Variants in LRRC4C observed in about 807,000 individuals in gnomAD.
LRRC4C encodes the protein leucine rich repeat containing 4C.
In LRRC4C, 5 loss-of-function variants were observed where a neutral mutation model predicts 33.6. The ratio of observed to expected loss-of-function variants is 0.15; its 90% confidence interval spans 0.08 to 0.31. The LOEUF (loss-of-function observed/expected upper bound fraction) is 0.31, where lower values mean the gene tolerates loss of function less well. Ranked by LOEUF, LRRC4C falls within the 10% of genes least tolerant of loss-of-function variation. LRRC4C has a pLI of 1.00. For synonymous variants in LRRC4C, 329 were observed against 302.0 expected, an observed-to-expected ratio of 1.09 and a Z score of -0.93; for missense variants, 560 against 796.7, an observed-to-expected ratio of 0.70 and a Z score of 3.58.
intron 4 of LRRC4C, among the ~76,000 whole-genome samples, chr11:40,250,494 C>T (rs970239427): frequency 2.6e-5 from 4 of 151,948 alleles, no homozygotes; most frequent in Non-Finnish European, 5.9e-5. Flanking sequence ...AACCCCAGCA[C>T]TTTGGGAGGT....
chr11:40,568,222 T>C (rs1292389861), intron 3 of LRRC4C, among the ~76,000 whole-genome samples: 1 of 152,212 alleles, frequency 6.6e-6, no homozygotes, highest in African/African-American at 2.4e-5. Flanking sequence ...CAAAGTGCCA[T>C]GCTGTGAGAA....
At chr11:41,408,265 G>A (rs562867920) in intron 1 of LRRC4C, among the ~76,000 whole-genome samples, 1 of 152,238 alleles carries the variant, frequency 6.6e-6, no homozygotes, top group Admixed American at 6.5e-5. Flanking sequence ...GTACTTAACA[G>A]ACTTTCAGGC....
At chr11:41,287,612 T>C (rs1949868111) in intron 1 of LRRC4C, among the ~76,000 whole-genome samples, 1 of 152,194 alleles carries the variant, frequency 6.6e-6, no homozygotes, top group Non-Finnish European at 1.5e-5. Context: ...GAAGCTATTT[T>C]CAATATTAAT....
intron 1 of LRRC4C, among the ~76,000 whole-genome samples, chr11:41,200,433 A>AT (rs1426131893): frequency 2.6e-5 from 4 of 152,064 alleles, no homozygotes; most frequent in Middle Eastern, 3.4e-3. Context: ...CTGGTTCTGC[A>AT]TTTTTTTCTT....
intron 3 of LRRC4C, among the ~76,000 whole-genome samples, chr11:40,321,835 G>T (rs1424300448): frequency 6.6e-6 from 1 of 152,146 alleles, no homozygotes; most frequent in Non-Finnish European, 1.5e-5. Context: ...GGAACAAAAT[G>T]ATGTCTCCTC....
At chr11:40,674,673 G>A (rs919535533) in intron 2 of LRRC4C, among the ~76,000 whole-genome samples, 19 of 152,016 alleles carry the variant, frequency 1.2e-4, no homozygotes, top group African/African-American at 3.6e-4. Context: ...TTTATAAATC[G>A]TGATGTTCTC....
At position 40,709,285 on chromosome 11, in the gene LRRC4C, G is replaced by A. The variant is rs1181396111; in HGVS notation, c.-406-61007C>T. Among the ~76,000 whole-genome samples, 5 of 152,166 alleles carry A rather than the reference G, an allele frequency of 3.3e-5. No individual in the cohort carries two copies. In the East Asian group the frequency reaches 5.8e-4, roughly 18 times the overall value. On this transcript the variant is annotated intron_variant, in intron 2 of 6. Transcript: ENST00000528697. ...GTTATTTTGCCTGTTAGTTGATGCA[G>A]TTTCTTCCTAGCATCCATGGTCTTT...
In LRRC4C at chr11:40,693,324, G is replaced by A. The variant is rs114648586; in HGVS notation, c.-406-45046C>T. Among the ~76,000 whole-genome samples, 390 of 152,218 alleles carry A rather than the reference G, an allele frequency of 2.6e-3. 1 individual carries two copies. Among genetic ancestry groups the A allele is most frequent in the African/African-American group, 9.0e-3 (373 of 41,548 alleles). On this transcript the variant is annotated intron_variant, in intron 2 of 6. Coordinates refer to ENST00000528697, the MANE Select transcript of LRRC4C (RefSeq NM_001258419.2). ...AGAGAGAATGGTAAAATAGTTGATA[G>A]CCATATATAATGATTAGAATTCCAT...
intron 1 of LRRC4C, among the ~76,000 whole-genome samples, chr11:41,249,655 C>T (rs771551473): frequency 6.6e-6 from 1 of 152,168 alleles, no homozygotes; most frequent in Non-Finnish European, 1.5e-5. Flanking sequence ...CAGGCCTTTG[C>T]ACTTGCTGCC....
At chr11:40,734,568 C>T (rs1947759956) in intron 2 of LRRC4C, among the ~76,000 whole-genome samples, 1 of 152,146 alleles carries the variant, frequency 6.6e-6, no homozygotes, top group African/African-American at 2.4e-5. Context: ...TCCACCAATG[C>T]CATTTCAATT....
chr11:40,859,084 C>T (rs1953947401), intron 2 of LRRC4C, among the ~76,000 whole-genome samples: 1 of 152,102 alleles, frequency 6.6e-6, no homozygotes, highest in Admixed American at 6.5e-5. Context: ...AGGTTACTTG[C>T]TGCAGTGATA....
In LRRC4C at chr11:40,116,209, C is replaced by T. The variant is rs762439825; in HGVS notation, c.84G>A (p.Val28=). The change falls in exon 7 of 7, where the codon GTG becomes GTA. Residue 28 remains valine, a synonymous_variant. Coordinates refer to ENST00000528697, the MANE Select transcript of LRRC4C (RefSeq NM_001258419.2). ...CAAGAAGTTGAAGAGCCAGCAGCAC[C>T]ACAAGCAGGGGGTCAAATAGGGCCC... ...FNRALFDPLL[V]VLLALQLLVV... 6.2e-7 allele frequency: 1 copy of T among 1,614,018 alleles called. No homozygotes were observed. Among genetic ancestry groups the T allele is most frequent in the Non-Finnish European group, 8.5e-7 (1 of 1,179,972 alleles).
At chr11:41,087,692 T>C (rs1333008336) in intron 1 of LRRC4C, among the ~76,000 whole-genome samples, 1 of 152,150 alleles carries the variant, frequency 6.6e-6, no homozygotes, top group African/African-American at 2.4e-5. Context: ...TCAGACCATC[T>C]GAATTCAAAA....
chr11:40,390,654 G>T (rs958653031), intron 3 of LRRC4C, among the ~76,000 whole-genome samples: 2 of 152,072 alleles, frequency 1.3e-5, no homozygotes, highest in Non-Finnish European at 1.5e-5. Context: ...GTGGAATTGA[G>T]GCTTGGAATG....
chr11:40,767,746 A>C lies in LRRC4C; in HGVS notation c.-406-119468T>G, dbSNP rs1949543138. Among the ~76,000 whole-genome samples, 3 of 152,200 alleles carry C rather than the reference A, an allele frequency of 2.0e-5. No homozygotes were observed. In the South Asian group the frequency reaches 6.2e-4, roughly 32 times the overall value. On this transcript the variant is annotated intron_variant, in intron 2 of 6. Coordinates refer to ENST00000528697, the MANE Select transcript of LRRC4C (RefSeq NM_001258419.2). ...CAATAAGTCAATGAATAAATTAAGA[A>C]GAAAATGGAAAAATTTATTGAAACA... is the stretch of plus-strand genomic sequence containing the variant.
At chr11:41,277,793 C>G (rs1387754034) in intron 1 of LRRC4C, among the ~76,000 whole-genome samples, 1 of 151,772 alleles carries the variant, frequency 6.6e-6, no homozygotes, top group African/African-American at 2.4e-5. Context: ...TTTCAAGTTC[C>G]GTGAGTAACT....
intron 1 of LRRC4C, among the ~76,000 whole-genome samples, chr11:41,086,842 TAAAGCCAA>T (rs1207876677): frequency 6.6e-6 from 1 of 151,816 alleles, no homozygotes; most frequent in East Asian, 1.9e-4. Context: ...ATGTATGGAA[TAAAGCCAA>T]ACAAGATTAA....
chr11:40,804,089 T>G (rs1951151659), intron 2 of LRRC4C, among the ~76,000 whole-genome samples: 1 of 152,186 alleles, frequency 6.6e-6, no homozygotes, highest in African/African-American at 2.4e-5. Flanking sequence ...CTATTTTTCC[T>G]TCTCTTTTGA....
intron 1 of LRRC4C, among the ~76,000 whole-genome samples, chr11:40,991,960 T>C (rs1853605147): frequency 6.6e-6 from 1 of 152,178 alleles, no homozygotes; most frequent in Non-Finnish European, 1.5e-5. Context: ...CACCAACTGG[T>C]ATAGGTCTAT....
Sources: gnomAD v4.1 joint callset for allele counts (sites outside exome capture counted in the v4.1 genomes callset) on GRCh38, gnomAD v4.1.1 for gene constraint, MANE v1.5 for transcripts, NCBI Gene and HGNC (gene_info 2026-07-23, HGNC 2026-07-21) for gene names.